Variants in BNC2 observed in about 807,000 individuals in gnomAD.
BNC2 encodes the protein basonuclin zinc finger protein 2.
A neutral mutation model predicts 76.3 loss-of-function variants in BNC2; 20 were observed. The ratio of observed to expected loss-of-function variants is 0.26; its 90% CI spans 0.18 to 0.38. BNC2 has a LOEUF of 0.38. Ranked by LOEUF, BNC2 falls within the 10% of genes least tolerant of loss-of-function variation. The probability of loss-of-function intolerance (pLI) is 1.00; values close to 1 mark genes in which losing one functional copy is unlikely to be tolerated. For synonymous variants in BNC2, 582 were observed against 514.8 expected (o/e 1.13, Z -1.77); for missense variants, 1,382 against 1,399.8 (o/e 0.99, Z 0.20).
intron 5 of BNC2, among the ~76,000 whole-genome samples, chr9:16,525,419 G>C (rs913289333): frequency 3.3e-5 from 5 of 151,854 alleles, no homozygotes; most frequent in Non-Finnish European, 5.9e-5. Flanking sequence ...GATTTACAAC[G>C]CAATAGAAAT....
chr9:16,468,821 T>C (rs1821753139), intron 5 of BNC2, among the ~76,000 whole-genome samples: 1 of 152,134 alleles, frequency 6.6e-6, no homozygotes, highest in Non-Finnish European at 1.5e-5. Flanking sequence ...GCAGAGGAGG[T>C]ATCTAGGCCC....
intron 5 of BNC2, among the ~76,000 whole-genome samples, chr9:16,528,668 C>T (rs997497363): frequency 1.3e-5 from 2 of 152,142 alleles, no homozygotes; most frequent in South Asian, 4.1e-4. Flanking sequence ...CAAACATACA[C>T]AGTAATAAAC....
intron 1 of BNC2, among the ~76,000 whole-genome samples, chr9:16,814,676 C>A (rs1042037858): frequency 6.6e-6 from 1 of 152,138 alleles, no homozygotes; most frequent in Non-Finnish European, 1.5e-5. Context: ...CAGCTAGATA[C>A]TGTTCAAACA....
chr9:16,667,675 C>G (rs1822341204), intron 3 of BNC2, among the ~76,000 whole-genome samples: 1 of 151,934 alleles, frequency 6.6e-6, no homozygotes, highest in South Asian at 2.1e-4. Context: ...TGTTTTGAAA[C>G]CAAAACATTT....
At chr9:16,482,807 T>G (rs941015229) in intron 5 of BNC2, among the ~76,000 whole-genome samples, 2 of 152,194 alleles carry the variant, frequency 1.3e-5, no homozygotes, top group Non-Finnish European at 2.9e-5. Context: ...TGGACCAGAC[T>G]GGGGTCTCAG....
intron 1 of BNC2, among the ~76,000 whole-genome samples, chr9:16,811,423 GC>G (rs923690570): frequency 6.6e-6 from 1 of 150,990 alleles, no homozygotes; most frequent in African/African-American, 2.4e-5. Context: ...ATAGTGGCGG[GC>G]ACCTGTAATG....
At chr9:16,601,603 T>A (rs543101765) in intron 3 of BNC2, among the ~76,000 whole-genome samples, 2 of 152,110 alleles carry the variant, frequency 1.3e-5, no homozygotes, top group Admixed American at 1.3e-4. Context: ...AAGATCCTAC[T>A]ACACACTCCT....
chr9:16,734,854 G>A (rs972839462), intron 2 of BNC2, among the ~76,000 whole-genome samples: 2 of 152,080 alleles, frequency 1.3e-5, no homozygotes, highest in Non-Finnish European at 2.9e-5. Flanking sequence ...GAGGACACAG[G>A]GTCAAATCAC....
At chr9:16,844,477 C>G (rs1163155139) in intron 1 of BNC2, among the ~76,000 whole-genome samples, 2 of 145,784 alleles carry the variant, frequency 1.4e-5, no homozygotes, top group African/African-American at 5.0e-5. Context: ...AGTATTTTTA[C>G]GAATATTTTT....
At chr9:16,483,661 G>A (rs1822105130) in intron 5 of BNC2, among the ~76,000 whole-genome samples, 1 of 152,150 alleles carries the variant, frequency 6.6e-6, no homozygotes. Flanking sequence ...AAAAGCATCT[G>A]CTTTAACTCA....
chr9:16,441,231 G>A (rs1356119417), intron 5 of BNC2, among the ~76,000 whole-genome samples: 1 of 152,152 alleles, frequency 6.6e-6, no homozygotes, highest in Non-Finnish European at 1.5e-5. Flanking sequence ...TTGAATCCAG[G>A]AGGTTGAAGC....
chr9:16,769,204 T>G (rs1825771349), intron 1 of BNC2, among the ~76,000 whole-genome samples: 1 of 152,180 alleles, frequency 6.6e-6, no homozygotes, highest in South Asian at 2.1e-4. Flanking sequence ...CAAAACTAAG[T>G]GCGCTTTTTG....
At chr9:16,586,725 C>T (rs927063356) in intron 3 of BNC2, among the ~76,000 whole-genome samples, 8 of 152,132 alleles carry the variant, frequency 5.3e-5, no homozygotes, top group Admixed American at 3.9e-4. Context: ...AAGCAAAAAC[C>T]GTCACTGTGG....
At chr9:16,631,943 G>A (rs775001508) in intron 3 of BNC2, among the ~76,000 whole-genome samples, 1 of 152,184 alleles carries the variant, frequency 6.6e-6, no homozygotes, top group Non-Finnish European at 1.5e-5. Context: ...TCCACGATAG[G>A]AAATAGCACA....
chr9:16,685,519 G>C (rs777047402), intron 3 of BNC2: 117 of 1,282,472 alleles, frequency 9.1e-5, no homozygotes, highest in Non-Finnish European at 6.4e-5. Context: ...ACCACCCCTA[G>C]CTGAGAAAAC....
At chr9:16,749,306 AAT>A (rs1255815035) in intron 1 of BNC2, among the ~76,000 whole-genome samples, 5 of 152,236 alleles carry the variant, frequency 3.3e-5, no homozygotes, top group Non-Finnish European at 7.3e-5. Context: ...TGTTAGTTAT[AAT>A]ATATCCAGGA....
At chr9:16,647,395 A>T (rs1207276011) in intron 3 of BNC2, among the ~76,000 whole-genome samples, 1 of 152,154 alleles carries the variant, frequency 6.6e-6, no homozygotes. Flanking sequence ...CCACAGGAAG[A>T]ATAACATCCT....
intron 5 of BNC2, among the ~76,000 whole-genome samples, chr9:16,448,336 A>T (rs1821268898): frequency 6.6e-6 from 1 of 152,150 alleles, no homozygotes; most frequent in African/African-American, 2.4e-5. Flanking sequence ...ATAGGCGCAA[A>T]AAATTTTTTT....
chr9:16,449,299 T>A (rs1225289424), intron 5 of BNC2, among the ~76,000 whole-genome samples: 1 of 152,182 alleles, frequency 6.6e-6, no homozygotes, highest in Non-Finnish European at 1.5e-5. Context: ...TGTATATTCA[T>A]CCACCAATTA....
Sources: allele counts gnomAD v4.1 joint callset (sites outside exome capture counted in the v4.1 genomes callset), GRCh38; gene constraint gnomAD v4.1.1; transcripts MANE v1.5; gene names NCBI Gene and HGNC (gene_info 2026-07-23, HGNC 2026-07-21).